Variants in IMMP2L observed in about 807,000 individuals in gnomAD.
IMMP2L encodes the protein mitochondrial inner membrane protease subunit 2.
In IMMP2L, 18 loss-of-function variants were observed where a neutral mutation model predicts 19.3. The ratio of observed to expected loss-of-function variants is 0.93; its 90% CI spans 0.64 to 1.38. The LOEUF is 1.38. Ranked by LOEUF, IMMP2L falls within the 40% of genes most tolerant of loss-of-function variation. IMMP2L has a pLI of 0.00. For synonymous variants in IMMP2L, 76 were observed against 73.0 expected (o/e 1.04, Z -0.21); for missense variants, 233 against 218.2 (o/e 1.07, Z -0.43).
chr7:110,787,633 A>C (rs1316528484), intron 5 of IMMP2L, among the ~76,000 whole-genome samples: 1 of 151,966 alleles, frequency 6.6e-6, no homozygotes, highest in African/African-American at 2.4e-5. Flanking sequence ...AAATTTGTAA[A>C]ATAATTTTGA....
chr7:111,208,006 T>A (rs1189708140), intron 3 of IMMP2L, among the ~76,000 whole-genome samples: 1 of 152,198 alleles, frequency 6.6e-6, no homozygotes, highest in Non-Finnish European at 1.5e-5. Context: ...TTCCTCCTAC[T>A]GCTCTCAGTT....
At chr7:111,437,218 G>C (rs1198458846) in intron 3 of IMMP2L, among the ~76,000 whole-genome samples, 1 of 151,734 alleles carries the variant, frequency 6.6e-6, no homozygotes, top group African/African-American at 2.4e-5. Flanking sequence ...GGCCAAGGCG[G>C]GTGGATCACC....
chr7:111,552,413 G>A (rs1339432797), intron 1 of IMMP2L, among the ~76,000 whole-genome samples: 1 of 152,056 alleles, frequency 6.6e-6, no homozygotes, highest in Non-Finnish European at 1.5e-5. Flanking sequence ...TCAGCCTCCT[G>A]AGGACCTGGC....
At chr7:111,553,384 TAC>T (rs199547227) in intron 1 of IMMP2L, among the ~76,000 whole-genome samples, 1,606 of 152,274 alleles carry the variant, frequency 0.011, 33 homozygotes, top group African/African-American at 0.036. Context: ...CTTCCTACAG[TAC>T]AGAGACACAG....
At chr7:110,836,500 TTG>T (rs1804491438) in intron 5 of IMMP2L, among the ~76,000 whole-genome samples, 1 of 152,144 alleles carries the variant, frequency 6.6e-6, no homozygotes, top group Non-Finnish European at 1.5e-5. Flanking sequence ...CTCTCTTCTC[TTG>T]CCTGCTGCCA....
At chr7:110,706,990 A>C (rs1794734845) in intron 5 of IMMP2L, among the ~76,000 whole-genome samples, 1 of 34,878 alleles carries the variant, frequency 2.9e-5, no homozygotes, top group Non-Finnish European at 7.6e-5. Flanking sequence ...GTTACACTTA[A>C]ATTTTTTTTT....
At chr7:110,703,971 G>A (rs1194034918) in intron 5 of IMMP2L, among the ~76,000 whole-genome samples, 4 of 151,476 alleles carry the variant, frequency 2.6e-5, no homozygotes, top group Admixed American at 2.0e-4. Context: ...TCAGCCTCCC[G>A]AGTAGCTGGG....
chr7:110,819,216 GGT>G (rs371734901), intron 5 of IMMP2L, among the ~76,000 whole-genome samples: 16 of 152,052 alleles, frequency 1.1e-4, no homozygotes, highest in East Asian at 7.8e-4. Context: ...ACTTAACTTG[GGT>G]GGAACCTTGC....
chr7:110,826,038 C>G (rs1038730191), intron 5 of IMMP2L, among the ~76,000 whole-genome samples: 44 of 152,138 alleles, frequency 2.9e-4, no homozygotes, highest in African/African-American at 8.2e-4. Flanking sequence ...GATATGAACA[C>G]ACACTTCTCA....
At chr7:111,169,015 G>A (rs563531640) in intron 3 of IMMP2L, among the ~76,000 whole-genome samples, 61 of 151,394 alleles carry the variant, frequency 4.0e-4, no homozygotes, top group African/African-American at 1.5e-3. Context: ...TTTGTTAAGG[G>A]GCCCTTACCC....
intron 3 of IMMP2L, among the ~76,000 whole-genome samples, chr7:111,467,832 CAAG>C (rs1840827289): frequency 6.6e-6 from 1 of 152,070 alleles, no homozygotes; most frequent in Admixed American, 6.6e-5. Flanking sequence ...TAAAGGTCTC[CAAG>C]AAGTAGTACA....
chr7:111,309,195 T>A (rs146007797), intron 3 of IMMP2L, among the ~76,000 whole-genome samples: 334 of 152,206 alleles, frequency 2.2e-3, no homozygotes, highest in African/African-American at 6.9e-3. Context: ...AATACAATTG[T>A]TTTCATTATT....
intron 3 of IMMP2L, among the ~76,000 whole-genome samples, chr7:111,431,840 A>G (rs1390671009): frequency 2.0e-5 from 3 of 151,764 alleles, no homozygotes; most frequent in Non-Finnish European, 4.4e-5. Context: ...ACCTTTGCTG[A>G]ATGTCTAAGA....
intron 3 of IMMP2L, among the ~76,000 whole-genome samples, chr7:111,383,814 C>T (rs1023092138): frequency 1.3e-5 from 2 of 151,800 alleles, no homozygotes; most frequent in Admixed American, 6.6e-5. Flanking sequence ...TCCTGAAATC[C>T]CCCTCCTTCC....
intron 3 of IMMP2L, among the ~76,000 whole-genome samples, chr7:111,334,895 A>C (rs1826242251): frequency 6.6e-6 from 1 of 152,140 alleles, no homozygotes; most frequent in African/African-American, 2.4e-5. Context: ...TCGGGGTAAT[A>C]TCAGTCAGGT....
At chr7:111,318,570 C>T (rs183852951) in intron 3 of IMMP2L, among the ~76,000 whole-genome samples, 245 of 152,062 alleles carry the variant, frequency 1.6e-3, no homozygotes, top group Non-Finnish European at 3.0e-3. Flanking sequence ...GTAATTAATT[C>T]CAAAACAGTG....
intron 4 of IMMP2L, among the ~76,000 whole-genome samples, chr7:110,952,656 A>T (rs1817951791): frequency 6.6e-6 from 1 of 152,100 alleles, no homozygotes; most frequent in Non-Finnish European, 1.5e-5. Context: ...AGGCATGGAG[A>T]TGTGGATAAG....
At chr7:111,135,024 C>A (rs911108475) in intron 3 of IMMP2L, among the ~76,000 whole-genome samples, 3 of 152,078 alleles carry the variant, frequency 2.0e-5, no homozygotes, top group Non-Finnish European at 4.4e-5. Context: ...AATTCTACCC[C>A]AATACTAGGC....
At chr7:111,356,015 T>C (rs1052561092) in intron 3 of IMMP2L, among the ~76,000 whole-genome samples, 1 of 152,034 alleles carries the variant, frequency 6.6e-6, no homozygotes, top group East Asian at 1.9e-4. Flanking sequence ...GGGTTCCACA[T>C]AGGCAGAATT....
Sources: gnomAD v4.1 joint callset for allele counts (sites outside exome capture counted in the v4.1 genomes callset) on GRCh38, gnomAD v4.1.1 for gene constraint, MANE v1.5 for transcripts, NCBI Gene and HGNC (gene_info 2026-07-23, HGNC 2026-07-21) for gene names.